The following ST8SIA1 variants were observed in gnomAD, a reference collection of about 807,000 sequenced individuals.
The protein encoded by ST8SIA1 is ST8 alpha-N-acetyl-neuraminide alpha-2,8-sialyltransferase 1, also known as alpha-N-acetylneuraminide alpha-2,8-sialyltransferase.
ST8SIA1 carries 16 observed loss-of-function variants against 35.9 expected under a neutral mutation model. The observed-to-expected ratio is 0.45, with a 90% CI of 0.30 to 0.68. ST8SIA1 has a LOEUF of 0.68. Ranked by LOEUF, ST8SIA1 falls within the 30% of genes least tolerant of loss-of-function variation. The probability of loss-of-function intolerance (pLI) is 0.09; values close to 1 mark genes in which losing one functional copy is unlikely to be tolerated. For missense variants in ST8SIA1, 383 were observed against 453.6 expected (o/e 0.84, Z 1.41); for synonymous variants, 170 against 169.6 (o/e 1.00, Z -0.02).
chr12:22,311,444 AT>A (rs1866448601), intron 1 of ST8SIA1, among the ~76,000 whole-genome samples: 1 of 152,284 alleles, frequency 6.6e-6, no homozygotes, highest in Admixed American at 6.5e-5. Flanking sequence ...GCTAAGCAAC[AT>A]CATTCCCAAA....
intron 1 of ST8SIA1, among the ~76,000 whole-genome samples, chr12:22,287,902 G>C (rs892706761): frequency 6.6e-6 from 1 of 152,180 alleles, no homozygotes; most frequent in Non-Finnish European, 1.5e-5. Flanking sequence ...CCTTCTCACT[G>C]CTAAACCTCA....
At chr12:22,296,099 T>G (rs545176019) in intron 1 of ST8SIA1, among the ~76,000 whole-genome samples, 1 of 152,154 alleles carries the variant, frequency 6.6e-6, no homozygotes, top group African/African-American at 2.4e-5. Context: ...TCCAGATAGA[T>G]CAAAGAACAA....
chr12:22,312,511 C>T (rs1866462309), intron 1 of ST8SIA1, among the ~76,000 whole-genome samples: 1 of 152,152 alleles, frequency 6.6e-6, no homozygotes, highest in Admixed American at 6.5e-5. Context: ...CCTTTGTGCA[C>T]AGACACATGC....
chr12:22,248,313 G>A (rs1316412046), intron 4 of ST8SIA1, among the ~76,000 whole-genome samples: 1 of 128,236 alleles, frequency 7.8e-6, no homozygotes. Flanking sequence ...TCTTTCCTTG[G>A]AGACGGACTC....
intron 4 of ST8SIA1, among the ~76,000 whole-genome samples, chr12:22,224,550 C>A (rs1242958320): frequency 6.6e-6 from 1 of 152,088 alleles, no homozygotes; most frequent in Non-Finnish European, 1.5e-5. Context: ...TAAGCATGAG[C>A]CACTGCGCCT....
chr12:22,225,958 C>A (rs557059602), intron 4 of ST8SIA1, among the ~76,000 whole-genome samples: 1 of 152,274 alleles, frequency 6.6e-6, no homozygotes, highest in South Asian at 2.1e-4. Flanking sequence ...TGAAGGCTTT[C>A]TTCCCCACCC....
chr12:22,254,812 C>T (rs1291878980), intron 3 of ST8SIA1, among the ~76,000 whole-genome samples: 1 of 152,150 alleles, frequency 6.6e-6, no homozygotes, highest in East Asian at 1.9e-4. Context: ...TCCCGTTTTC[C>T]CACTCACTCA....
rs143013036 is a variant in ST8SIA1, at chr12:22,271,847, A to G, written c.381+15302T>C. Among the ~76,000 whole-genome samples the G allele has an allele frequency of 1.7e-3, 255 of 152,314 alleles. 4 individuals carry two copies. The East Asian group carries it at 0.041, about 24-fold the overall frequency. ...TGCAAAAGTGAAAGGAAATTTCTAC[A>G]TATCAAGATCCCCATGGTATGACAT... On this transcript the variant is annotated intron_variant, in intron 2 of 4. Coordinates refer to ENST00000396037, the MANE Select transcript of ST8SIA1 (RefSeq NM_003034.4).
chr12:22,278,564 G>A (rs1258453432), intron 2 of ST8SIA1, among the ~76,000 whole-genome samples: 1 of 152,140 alleles, frequency 6.6e-6, no homozygotes, highest in Non-Finnish European at 1.5e-5. Context: ...AGAGTGGATT[G>A]AACTCTAGAA....
At chr12:22,229,494 T>C (rs1441087696) in intron 4 of ST8SIA1, among the ~76,000 whole-genome samples, 1 of 151,552 alleles carries the variant, frequency 6.6e-6, no homozygotes, top group African/African-American at 2.4e-5. Flanking sequence ...CATGCACCTG[T>C]AGTCCCAGCT....
chr12:22,241,652 G>A (rs921462851), intron 4 of ST8SIA1, among the ~76,000 whole-genome samples: 4 of 147,632 alleles, frequency 2.7e-5, no homozygotes, highest in Non-Finnish European at 4.4e-5. Flanking sequence ...ACCCAGGCTG[G>A]AGTGCAGTGG....
At chr12:22,245,020 C>T (rs907817474) in intron 4 of ST8SIA1, among the ~76,000 whole-genome samples, 1 of 152,074 alleles carries the variant, frequency 6.6e-6, no homozygotes, top group African/African-American at 2.4e-5. Context: ...TGCACCAGAG[C>T]CACATTGTCT....
At chr12:22,226,771 ATC>A (rs1313056422) in intron 4 of ST8SIA1, among the ~76,000 whole-genome samples, 2 of 152,146 alleles carry the variant, frequency 1.3e-5, no homozygotes, top group Non-Finnish European at 2.9e-5. Context: ...GCTCTCAGCC[ATC>A]TCTCTTTTCA....
intron 2 of ST8SIA1, among the ~76,000 whole-genome samples, chr12:22,272,732 G>T (rs545516781): frequency 2.0e-5 from 3 of 152,336 alleles, no homozygotes; most frequent in East Asian, 1.9e-4. Context: ...GAGCACCAAG[G>T]CTCCAACACA....
chr12:22,249,284 TCTC>T (rs993925642), intron 3 of ST8SIA1, among the ~76,000 whole-genome samples, 186 bp from the exon 4 acceptor site: 1 of 150,772 alleles, frequency 6.6e-6, no homozygotes, highest in African/African-American at 2.4e-5. Context: ...AGTGGTGTGA[TCTC>T]CGCTCACTGC....
chr12:22,275,214 C>T (rs3819868), intron 2 of ST8SIA1, among the ~76,000 whole-genome samples: 40,225 of 152,024 alleles, frequency 0.26, 5,497 homozygotes, highest in Middle Eastern at 0.38. Flanking sequence ...AACGAAAAAA[C>T]GAATTGTTCT....
intron 2 of ST8SIA1, among the ~76,000 whole-genome samples, chr12:22,285,577 T>C (rs1194691261): frequency 1.3e-5 from 2 of 152,168 alleles, no homozygotes; most frequent in African/African-American, 4.8e-5. Context: ...AAAGTACATT[T>C]ATTATGTTTT....
At chr12:22,258,128 A>T (rs1170802927) in intron 2 of ST8SIA1, among the ~76,000 whole-genome samples, 4 of 152,054 alleles carry the variant, frequency 2.6e-5, no homozygotes, top group Non-Finnish European at 5.9e-5. Context: ...ATACAATGAA[A>T]ACAGGGCAAG....
At chr12:22,219,454 C>T (rs1164607429) in intron 4 of ST8SIA1, among the ~76,000 whole-genome samples, 1 of 152,074 alleles carries the variant, frequency 6.6e-6, no homozygotes, top group South Asian at 2.1e-4. Flanking sequence ...CACTTCAGAG[C>T]CAGGATAGGG....
Sources: gnomAD v4.1 joint callset for allele counts (sites outside exome capture counted in the v4.1 genomes callset) on GRCh38, gnomAD v4.1.1 for gene constraint, MANE v1.5 for transcripts, NCBI Gene and HGNC (gene_info 2026-07-23, HGNC 2026-07-21) for gene names.